The following MACROD2 variants were observed in gnomAD, a reference collection of about 807,000 sequenced individuals.
The protein encoded by MACROD2 is ADP-ribose glycohydrolase MACROD2.
MACROD2 carries 36 observed loss-of-function variants against 70.4 expected under a neutral mutation model. The observed-to-expected ratio is 0.51, with a 90% CI of 0.39 to 0.68. MACROD2 has a LOEUF of 0.68. Ranked by LOEUF, MACROD2 falls within the 30% of genes least tolerant of loss-of-function variation. The probability of loss-of-function intolerance (pLI) is 0.00; values close to 1 mark genes in which losing one functional copy is unlikely to be tolerated. For synonymous variants in MACROD2, 172 were observed against 178.8 expected (o/e 0.96, Z 0.30); for missense variants, 496 against 538.4 (o/e 0.92, Z 0.78).
rs76817553 is a variant in MACROD2, at chr20:15,949,508, C to T, written c.907+11964C>T. Among the ~76,000 whole-genome samples, 1,236 of 152,218 alleles carry T rather than the reference C, an allele frequency of 8.1e-3. 19 individuals are homozygous for T. The highest frequency in any genetic ancestry group is 0.028 in the African/African-American group (1,179 of 41,530). On this transcript the variant is annotated intron_variant, in intron 12 of 17. Transcript: ENST00000684519. ...GAGCATTCTCCAGTACACCATAGGG[C>T]GTGCACCAGTTGAGTATTGAAAAGC...
chr20:14,138,763 CCACACA>C (rs11469437), intron 3 of MACROD2, among the ~76,000 whole-genome samples: 10,724 of 147,042 alleles, frequency 0.073, 449 homozygotes, highest in East Asian at 0.18. Context: ...CTTAAGTTTT[CCACACA>C]CACACACACA....
At chr20:15,930,108 C>G (rs1283084884) in intron 10 of MACROD2, among the ~76,000 whole-genome samples, 1 of 152,288 alleles carries the variant, frequency 6.6e-6, no homozygotes, top group African/African-American at 2.4e-5. Context: ...AAAATAGCCT[C>G]GCACTTCCCT....
At chr20:14,325,443 A>C in intron 3 of MACROD2, 1 of 1,128,212 alleles carries the variant, frequency 8.9e-7, no homozygotes, top group South Asian at 1.6e-5. Context: ...TGTACAGTAC[A>C]TTGCTTTTTT....
At chr20:15,641,933 A>G (rs2049466021) in intron 8 of MACROD2, among the ~76,000 whole-genome samples, 1 of 152,212 alleles carries the variant, frequency 6.6e-6, no homozygotes, top group African/African-American at 2.4e-5. Context: ...AACTCATTCT[A>G]ATGTATGAAA....
At chr20:14,677,999 G>A (rs1270349776) in intron 4 of MACROD2, among the ~76,000 whole-genome samples, 1 of 152,180 alleles carries the variant, frequency 6.6e-6, no homozygotes, top group Non-Finnish European at 1.5e-5. Context: ...GCAAACTGGT[G>A]TTGCAAACAT....
At chr20:14,879,901 C>T (rs973155508) in intron 5 of MACROD2, among the ~76,000 whole-genome samples, 1 of 152,132 alleles carries the variant, frequency 6.6e-6, no homozygotes, top group Non-Finnish European at 1.5e-5. Flanking sequence ...TTTTAAGTTC[C>T]TTCAAAGCTA....
At chr20:14,482,845 G>C (rs1362636095) in intron 3 of MACROD2, among the ~76,000 whole-genome samples, 1 of 152,244 alleles carries the variant, frequency 6.6e-6, no homozygotes, top group African/African-American at 2.4e-5. Context: ...TATGGAACTT[G>C]GCTTCTCTTA....
At chr20:15,033,367 C>T (rs2075289829) in intron 5 of MACROD2, among the ~76,000 whole-genome samples, 1 of 152,162 alleles carries the variant, frequency 6.6e-6, no homozygotes, top group South Asian at 2.1e-4. Context: ...TTTCAGCTGC[C>T]ACACTTTCTC....
At chr20:14,957,839 T>C (rs943466522) in intron 5 of MACROD2, among the ~76,000 whole-genome samples, 42 of 151,762 alleles carry the variant, frequency 2.8e-4, no homozygotes, top group Middle Eastern at 3.4e-3. Context: ...TTTTTTACTT[T>C]GGTGTGTAAT....
At chr20:14,791,604 T>C (rs2123802656) in intron 5 of MACROD2, among the ~76,000 whole-genome samples, 1 of 152,172 alleles carries the variant, frequency 6.6e-6, no homozygotes, top group East Asian at 1.9e-4. Flanking sequence ...TTGAGCATCC[T>C]GAAGTGATGA....
chr20:15,610,999 T>C (rs1362189288), intron 8 of MACROD2, among the ~76,000 whole-genome samples: 1 of 134,844 alleles, frequency 7.4e-6, no homozygotes, highest in Non-Finnish European at 1.5e-5. Flanking sequence ...ATCTTTTTTT[T>C]TTTTTTTTTT....
chr20:14,643,079 T>G (rs1985183528), intron 4 of MACROD2, among the ~76,000 whole-genome samples: 2 of 152,168 alleles, frequency 1.3e-5, no homozygotes, highest in Admixed American at 1.3e-4. Context: ...TTTTTACTGT[T>G]GCATAACAAA....
intron 5 of MACROD2, among the ~76,000 whole-genome samples, chr20:14,940,148 C>CAAAAAAAAAAAAAAAAAAAAAAAAAA: frequency 1.8e-5 from 1 of 55,106 alleles, no homozygotes; most frequent in Non-Finnish European, 4.0e-5. Context: ...CTCATCTCTG[C>CAAAAAAAAAAAAAAAAAAAAAAAAAA]AAAAAAAAAA....
rs185863021 is a variant in MACROD2, at chr20:14,080,314, G to A, written c.164-5307G>A. Among the ~76,000 whole-genome samples, 18 of 151,740 alleles carry A rather than the reference G, an allele frequency of 1.2e-4. No homozygotes were observed. In the East Asian group the frequency reaches 2.3e-3, roughly 20 times the overall value. ...AAAAATTAGCCGGGTGTGGTGGCAG[G>A]CGCCTGTAGTCCCAGCTACTCAGGA... On this transcript the variant is annotated intron_variant, in intron 2 of 17. Coordinates refer to ENST00000684519, the MANE Select transcript of MACROD2 (RefSeq NM_001351661.2).
At chr20:14,173,725 G>C (rs893165288) in intron 3 of MACROD2, among the ~76,000 whole-genome samples, 3 of 152,054 alleles carry the variant, frequency 2.0e-5, no homozygotes, top group Non-Finnish European at 4.4e-5. Context: ...TGTTTTTCTA[G>C]TTCCTTCTCA....
At chr20:14,682,737 AC>A (rs1244353117) in intron 4 of MACROD2, among the ~76,000 whole-genome samples, 3 of 152,176 alleles carry the variant, frequency 2.0e-5, no homozygotes, top group Admixed American at 6.6e-5. Context: ...ACTATTGTAA[AC>A]AACTGTGACA....
intron 5 of MACROD2, among the ~76,000 whole-genome samples, chr20:14,723,816 G>A (rs1427009049): frequency 1.3e-5 from 2 of 151,864 alleles, no homozygotes; most frequent in East Asian, 3.9e-4. Flanking sequence ...TGTGTTAAAT[G>A]GAGTTTCATT....
intron 2 of MACROD2, among the ~76,000 whole-genome samples, chr20:14,009,311 C>G (rs909224275): frequency 6.6e-6 from 1 of 152,166 alleles, no homozygotes; most frequent in Admixed American, 6.5e-5. Context: ...CATGAACAGG[C>G]ACTTCTCAAA....
intron 5 of MACROD2, among the ~76,000 whole-genome samples, chr20:15,145,607 CA>C (rs1481337128): frequency 1.4e-4 from 22 of 152,068 alleles, no homozygotes; most frequent in Admixed American, 1.0e-3. Context: ...TTCTCTAGTA[CA>C]GTACAAATAA....
Sources: gnomAD v4.1 joint callset for allele counts (sites outside exome capture counted in the v4.1 genomes callset) on GRCh38, gnomAD v4.1.1 for gene constraint, MANE v1.5 for transcripts, NCBI Gene and HGNC (gene_info 2026-07-23, HGNC 2026-07-21) for gene names.